The following SKI variants were observed in gnomAD, a reference collection of about 807,000 sequenced individuals.
The protein encoded by SKI is ski oncogene.
Under a neutral mutation model 59.3 loss-of-function variants are expected in SKI, and 23 were observed. The observed-to-expected ratio is 0.39, with a 90% CI of 0.28 to 0.55. The LOEUF is 0.55. Ranked by LOEUF, SKI falls within the 20% of genes least tolerant of loss-of-function variation. SKI has a pLI of 0.67. For synonymous variants in SKI, 673 were observed against 488.6 expected (o/e 1.38, Z -4.98); for missense variants, 1,017 against 1,038.9 (o/e 0.98, Z 0.29).
intron 1 of SKI, among the ~76,000 whole-genome samples, chr1:2,294,973 C>T (rs1239844122): frequency 1.3e-5 from 2 of 152,242 alleles, no homozygotes; most frequent in African/African-American, 4.8e-5. Flanking sequence ...CTGTGGGATG[C>T]CCCTGGTGAC....
chr1:2,249,765 G>A (rs1245148939), intron 1 of SKI, among the ~76,000 whole-genome samples: 2 of 152,224 alleles, frequency 1.3e-5, no homozygotes, highest in African/African-American at 2.4e-5. Context: ...CAGGCCACAG[G>A]TTTTGTTGGA....
At chr1:2,293,253 C>T (rs888096488) in intron 1 of SKI, among the ~76,000 whole-genome samples, 3 of 152,194 alleles carry the variant, frequency 2.0e-5, no homozygotes, top group Non-Finnish European at 4.4e-5. Flanking sequence ...CGGGACTCAC[C>T]ATGTTAGACC....
chr1:2,232,017 G>A (rs1277287606), intron 1 of SKI, among the ~76,000 whole-genome samples: 1 of 152,238 alleles, frequency 6.6e-6, no homozygotes, highest in Non-Finnish European at 1.5e-5. Context: ...AGAAGGGAGT[G>A]TGGTCTCAGG....
intron 1 of SKI, among the ~76,000 whole-genome samples, chr1:2,286,798 A>G (rs1640048488): frequency 1.3e-5 from 2 of 152,210 alleles, no homozygotes; most frequent in Admixed American, 1.3e-4. Context: ...GGGTGGGACC[A>G]ACGCGACCTC....
chr1:2,306,552 C>A, intron 6 of SKI, 25 bp from the exon 7 acceptor site: 3 of 1,537,462 alleles, frequency 2.0e-6, no homozygotes, highest in Non-Finnish European at 2.6e-6. Flanking sequence ...GAGCAGGCGC[C>A]GCTGACCACT....
intron 1 of SKI, among the ~76,000 whole-genome samples, chr1:2,243,426 C>T (rs1638922799): frequency 1.3e-5 from 2 of 152,254 alleles, no homozygotes; most frequent in Non-Finnish European, 1.5e-5. Flanking sequence ...TGCTCTGTTG[C>T]AGGAGCTCCT....
At chr1:2,242,089 A>C (rs893483730) in intron 1 of SKI, among the ~76,000 whole-genome samples, 1 of 152,134 alleles carries the variant, frequency 6.6e-6, no homozygotes, top group Admixed American at 6.5e-5. Context: ...GCCAGGAGAG[A>C]GCGGAGCTGG....
chr1:2,246,076 G>T (rs1041462054), intron 1 of SKI, among the ~76,000 whole-genome samples: 1 of 152,188 alleles, frequency 6.6e-6, no homozygotes, highest in Non-Finnish European at 1.5e-5. Context: ...GATTACAGGC[G>T]TGAGCCACCG....
chr1:2,286,985 C>T (rs570685541), intron 1 of SKI, among the ~76,000 whole-genome samples: 1 of 152,354 alleles, frequency 6.6e-6, no homozygotes, highest in African/African-American at 2.4e-5. Context: ...AAGCCCAGGA[C>T]ATGGCTGCGT....
In SKI at chr1:2,228,882, C is replaced by A. The variant is rs746485528; in HGVS notation, c.116C>A (p.Ser39Ter). The A allele has an allele frequency of 7.0e-7, 1 of 1,427,528 alleles. No individual in the cohort carries two copies. The highest frequency in any genetic ancestry group is 1.3e-5 in the South Asian group (1 of 76,824). 88.4% of individuals were successfully genotyped at this position (1,427,528 alleles called of 1,614,324 possible). The change falls in exon 1 of 7, where the codon TCG becomes TAG. Residue 39 changes from serine to a stop codon, truncating the protein, a stop_gained. Coordinates refer to ENST00000378536, the MANE Select transcript of SKI (RefSeq NM_003036.4). LOFTEE classifies it high-confidence loss of function. ...TCGCTGGGCGGCCCGGCCGCTTTCT[C>A]GGCGCGCTGGGCGCAGGAGGCCTAC... Reference protein sequence around the residue: ...MSSLGGPAAFSARWAQEAYKK... With the variant: ...MSSLGGPAAF
chr1:2,233,237 G>A (rs1194873564), intron 1 of SKI, among the ~76,000 whole-genome samples: 2 of 147,532 alleles, frequency 1.4e-5, no homozygotes, highest in Non-Finnish European at 3.0e-5. Context: ...GGGCTGGTGG[G>A]GGGGGTCCTG....
At chr1:2,264,993 G>T (rs961087483) in intron 1 of SKI, among the ~76,000 whole-genome samples, 1 of 152,100 alleles carries the variant, frequency 6.6e-6, no homozygotes, top group Non-Finnish European at 1.5e-5. Flanking sequence ...TGTATTTTTA[G>T]TAGAGACGGG....
chr1:2,303,587 TG>T lies in SKI; in HGVS notation c.1211+190del, dbSNP rs1470062298. On this transcript the variant is annotated intron_variant, in intron 3 of 6. Coordinates refer to ENST00000378536, the MANE Select transcript of SKI (RefSeq NM_003036.4). The surrounding 1 kb of genome is among the most constrained non-coding windows in gnomAD (Gnocchi z 5.6). ...CACACCTAGAGCGTTCCCTGTGTTCTGGGTGGAGTCGTGGGTGGAGCCCTGT... is the reference window on the plus strand; with the variant it reads ...CACACCTAGAGCGTTCCCTGTGTTCTGGTGGAGTCGTGGGTGGAGCCCTGT... 9 of 684,812 alleles carry T rather than the reference TG, an allele frequency of 1.3e-5. No individual in the cohort carries two copies. Among genetic ancestry groups the T allele is most frequent in the Non-Finnish European group, 2.0e-5 (8 of 407,334 alleles). 42.4% of individuals were successfully genotyped at this position (684,812 alleles called of 1,614,324 possible).
At chr1:2,259,596 C>G (rs1338054529) in intron 1 of SKI, among the ~76,000 whole-genome samples, 1 of 152,186 alleles carries the variant, frequency 6.6e-6, no homozygotes, top group Non-Finnish European at 1.5e-5. Flanking sequence ...TTTAAAGATA[C>G]AGTTAGATAA....
Position 2,306,743 on chromosome 1 carries a change from G to C in SKI, c.2165G>C (p.Gly722Ala). The C allele has an allele frequency of 2.0e-6, 3 of 1,526,082 alleles. No homozygotes were observed. In the African/African-American group the frequency reaches 4.3e-5, roughly 22 times the overall value. 94.5% of individuals were successfully genotyped at this position (1,526,082 alleles called of 1,614,324 possible). A position where few individuals can be genotyped will look rare whatever the true frequency, so the allele number is the denominator to read the frequency against. ...RARPEAAGSE[G>A]AAELEP ...CGCCCCGAGGCTGCGGGCAGCGAGG[G>C]CGCTGCGGAGCTGGAGCCGTAGATT... The change falls in exon 7 of 7, where the codon GGC becomes GCC. Residue 722 changes from glycine to alanine, a missense_variant. Gly to Ala is a moderately conservative substitution (Grantham distance 60). Transcript: ENST00000378536.
At chr1:2,280,413 AG>A (rs1268532032) in intron 1 of SKI, among the ~76,000 whole-genome samples, 2 of 151,416 alleles carry the variant, frequency 1.3e-5, no homozygotes, top group Admixed American at 1.3e-4. Flanking sequence ...CCTTCTCACA[AG>A]GGGGCTGCCC....
chr1:2,288,986 T>C (rs2643884), intron 1 of SKI, among the ~76,000 whole-genome samples: 108,445 of 152,116 alleles, frequency 0.71, 39,082 homozygotes, highest in African/African-American at 0.82. Flanking sequence ...AGGTCCCCGG[T>C]GCCGCCTGGT....
intron 1 of SKI, among the ~76,000 whole-genome samples, chr1:2,263,253 T>C (rs1169087459): frequency 7.5e-5 from 8 of 106,536 alleles, no homozygotes; most frequent in Admixed American, 6.2e-4. Context: ...TTTTTTTTTT[T>C]TGGAGACGGA....
intron 1 of SKI, among the ~76,000 whole-genome samples, chr1:2,246,758 CAG>C (rs781741337): frequency 5.3e-5 from 8 of 152,144 alleles, no homozygotes; most frequent in Non-Finnish European, 1.2e-4. Flanking sequence ...GAGGGAGTCT[CAG>C]AGAGTGCGGC....
Sources: gnomAD v4.1 joint callset for allele counts (sites outside exome capture counted in the v4.1 genomes callset) on GRCh38, gnomAD v4.1.1 for gene constraint, Gnocchi (gnomAD v3.1) non-coding constraint, MANE v1.5 for transcripts, NCBI Gene and HGNC (gene_info 2026-07-23, HGNC 2026-07-21) for gene names.